The following TGFBR3 variants were observed in gnomAD, a reference collection of about 807,000 sequenced individuals.
TGFBR3 encodes the protein transforming growth factor beta receptor type 3.
TGFBR3 carries 46 observed loss-of-function variants against 87.9 expected under a neutral mutation model. The observed-to-expected ratio is 0.52, with a 90% CI of 0.41 to 0.67. The LOEUF is 0.67. Ranked by LOEUF, TGFBR3 falls within the 30% of genes least tolerant of loss-of-function variation. The pLI, the probability that TGFBR3 is intolerant of heterozygous loss-of-function variation, is 0.00. For missense variants in TGFBR3, 866 were observed against 1,041.9 expected (o/e 0.83, Z 2.32); for synonymous variants, 381 against 391.6 (o/e 0.97, Z 0.32).
At chr1:91,865,926 A>G (rs964101401) in intron 1 of TGFBR3, among the ~76,000 whole-genome samples, 3 of 152,028 alleles carry the variant, frequency 2.0e-5, no homozygotes, top group African/African-American at 7.3e-5. Flanking sequence ...AAAAAAAAAA[A>G]AAAAGAAAAT....
chr1:91,811,843 C>T (rs1481703468), intron 2 of TGFBR3, among the ~76,000 whole-genome samples: 1 of 151,732 alleles, frequency 6.6e-6, no homozygotes, highest in East Asian at 1.9e-4. Context: ...GACAAAGCAA[C>T]CTTCCAAAAC....
intron 1 of TGFBR3, 121 bp downstream of exon 1, chr1:91,885,757 G>A (rs1679273819): frequency 1.0e-5 from 2 of 192,302 alleles, no homozygotes; most frequent in South Asian, 9.0e-5. Flanking sequence ...CTGGCGGCTG[G>A]AGCGACCCTG....
intron 2 of TGFBR3, among the ~76,000 whole-genome samples, chr1:91,810,103 G>C (rs1213191419): frequency 6.6e-6 from 1 of 152,168 alleles, no homozygotes; most frequent in Non-Finnish European, 1.5e-5. Flanking sequence ...TTGTTGCCCA[G>C]GCTGGAGTAC....
rs766001542 is a variant in TGFBR3, at chr1:91,720,039, G to A, written c.1267C>T (p.Arg423Trp). The change falls in exon 9 of 17, where the codon CGG becomes TGG. Residue 423 changes from arginine (R) to tryptophan (W), a missense_variant. Physicochemically the swap from Arg to Trp is moderately radical, Grantham distance 101. Transcript: ENST00000212355. ...CTGGGAATGACAGGGTCCTTTGGCC[G>A]AGGGAGCCCATCTTCTCCCTCTTCA... is the stretch of plus-strand genomic sequence containing the variant. ...WNEEGEDGLP[R>W]PKDPVIPSIQ... is the part of the protein sequence containing the mutation. 36 of 1,614,066 alleles carry A rather than the reference G, an allele frequency of 2.2e-5. No homozygotes were observed. Among genetic ancestry groups the A allele is most frequent in the Admixed American group, 5.0e-5 (3 of 60,012 alleles).
At chr1:91,796,506 T>C (rs1675387978) in intron 3 of TGFBR3, among the ~76,000 whole-genome samples, 1 of 152,212 alleles carries the variant, frequency 6.6e-6, no homozygotes, top group Non-Finnish European at 1.5e-5. Context: ...GATAAGGAGC[T>C]ATGCTCAGGG....
At chr1:91,830,931 C>T (rs1223159359) in intron 2 of TGFBR3, among the ~76,000 whole-genome samples, 1 of 152,132 alleles carries the variant, frequency 6.6e-6, no homozygotes, top group East Asian at 1.9e-4. Context: ...GCTCTCACCA[C>T]CCCCATAGCA....
chr1:91,762,218 T>C (rs1193659300), intron 3 of TGFBR3, among the ~76,000 whole-genome samples: 3 of 152,146 alleles, frequency 2.0e-5, no homozygotes, highest in Admixed American at 2.0e-4. Context: ...ATTTGAGAAC[T>C]GAATGCATGT....
intron 1 of TGFBR3, among the ~76,000 whole-genome samples, chr1:91,884,689 C>T (rs553905830): frequency 6.6e-6 from 1 of 152,336 alleles, no homozygotes; most frequent in East Asian, 1.9e-4. Context: ...ATTAATAGTG[C>T]TTTTCCCATA....
rs1043442464 is a variant in TGFBR3 at position 91,680,661 on chromosome 1, G to GA, written c.*3077dup. The GA allele has an allele frequency of 9.7e-5, 44 of 453,682 alleles. No homozygotes were observed. Among genetic ancestry groups the GA allele is most frequent in the Non-Finnish European group, 1.5e-4 (34 of 226,720 alleles). The allele number at this position is 453,682 out of a possible 1,614,324, so 28.1% of individuals were successfully genotyped here. On this transcript the variant is annotated 3_prime_UTR_variant, in exon 17 of 17. Coordinates refer to ENST00000212355, the MANE Select transcript of TGFBR3 (RefSeq NM_003243.5). ...AACAACCCCCAGATAAAACAAACAT[G>GA]AAAAAAATCACATAGGACTCACCCA... is the stretch of plus-strand genomic sequence containing the variant.
chr1:91,798,824 G>A (rs948499050), intron 2 of TGFBR3, among the ~76,000 whole-genome samples: 1 of 152,164 alleles, frequency 6.6e-6, no homozygotes, highest in Admixed American at 6.5e-5. Flanking sequence ...CAGTGAGTAG[G>A]GCACCATTCC....
chr1:91,868,546 G>A (rs1480099863), intron 1 of TGFBR3, among the ~76,000 whole-genome samples: 2 of 152,102 alleles, frequency 1.3e-5, no homozygotes, highest in African/African-American at 4.8e-5. Context: ...GGCCCTTCTC[G>A]ATTCTATTTG....
chr1:91,716,150 G>A, intron 12 of TGFBR3, 86 bp downstream of exon 12: 2 of 1,525,006 alleles, frequency 1.3e-6, no homozygotes, highest in South Asian at 1.1e-5. Flanking sequence ...GACAGGAAGA[G>A]GTCTGTACAG....
intron 3 of TGFBR3, among the ~76,000 whole-genome samples, chr1:91,760,340 C>T (rs1272885459): frequency 6.6e-6 from 1 of 152,184 alleles, no homozygotes; most frequent in African/African-American, 2.4e-5. Context: ...CGCTTGAACC[C>T]AGGAAGTGGA....
intron 1 of TGFBR3, among the ~76,000 whole-genome samples, chr1:91,880,498 T>C (rs1424294049): frequency 3.3e-5 from 5 of 151,904 alleles, no homozygotes; most frequent in African/African-American, 1.2e-4. Flanking sequence ...CTCGGGAGAC[T>C]GAGGCAAGAG....
intron 2 of TGFBR3, among the ~76,000 whole-genome samples, chr1:91,898,118 A>G (rs1021071343): frequency 6.6e-6 from 1 of 152,098 alleles, no homozygotes; most frequent in Non-Finnish European, 1.5e-5. Context: ...AAAAAATTAC[A>G]GATACAATTG....
At chr1:91,744,734 T>C (rs1158285906) in intron 4 of TGFBR3, among the ~76,000 whole-genome samples, 3 of 152,216 alleles carry the variant, frequency 2.0e-5, no homozygotes, top group African/African-American at 4.8e-5. Flanking sequence ...TTGAGGAACA[T>C]TGTTCTAGGC....
At chr1:91,701,311 G>C (rs370429286) in intron 14 of TGFBR3, among the ~76,000 whole-genome samples, 3 of 151,886 alleles carry the variant, frequency 2.0e-5, no homozygotes, top group African/African-American at 7.3e-5. Flanking sequence ...TTCTATCCTC[G>C]AACTTTTCTC....
At chr1:91,833,536 G>A (rs1676941982) in intron 2 of TGFBR3, among the ~76,000 whole-genome samples, 1 of 149,950 alleles carries the variant, frequency 6.7e-6, no homozygotes, top group Non-Finnish European at 1.5e-5. Flanking sequence ...GGGAGGCTGA[G>A]ACAGGTGGAT....
chr1:91,863,951 C>T (rs1456486367), intron 1 of TGFBR3: 2 of 152,066 alleles, frequency 1.3e-5, no homozygotes, highest in African/African-American at 4.8e-5. Context: ...ATTTTTTTCC[C>T]TTCGAAATAT....
Sources: allele counts gnomAD v4.1 joint callset (sites outside exome capture counted in the v4.1 genomes callset), GRCh38; gene constraint gnomAD v4.1.1; transcripts MANE v1.5; gene names NCBI Gene and HGNC (gene_info 2026-07-23, HGNC 2026-07-21).